Variants in COL21A1 observed in about 807,000 individuals in gnomAD.
COL21A1 encodes the protein collagen alpha-1(XXI) chain.
In COL21A1, 149 loss-of-function variants were observed where a neutral mutation model predicts 137.9. That is an observed-to-expected ratio of 1.08 (90% CI 0.95 to 1.24). The LOEUF (loss-of-function observed/expected upper bound fraction) is 1.24, where lower values mean the gene tolerates loss of function less well. Ranked by LOEUF, COL21A1 falls within the 50% of genes most tolerant of loss-of-function variation. The pLI is 0.00. For missense variants in COL21A1, 1,167 were observed against 1,158.4 expected (o/e 1.01, Z -0.11); for synonymous variants, 456 against 391.5 (o/e 1.16, Z -1.95).
At chr6:56,320,621 A>G (rs530231647) in intron 1 of COL21A1, among the ~76,000 whole-genome samples, 90 of 151,774 alleles carry the variant, frequency 5.9e-4, no homozygotes, top group African/African-American at 2.2e-3. Flanking sequence ...CTAATTCTCC[A>G]ACTCACCAAT....
At chr6:56,265,013 C>A (rs1350010843) in intron 1 of COL21A1, among the ~76,000 whole-genome samples, 1 of 152,206 alleles carries the variant, frequency 6.6e-6, no homozygotes, top group East Asian at 1.9e-4. Flanking sequence ...GAGGTTCCTA[C>A]AAGGAGATAC....
At chr6:56,217,942 G>T (rs191794455) in intron 1 of COL21A1, among the ~76,000 whole-genome samples, 3 of 152,190 alleles carry the variant, frequency 2.0e-5, no homozygotes, top group African/African-American at 7.2e-5. Flanking sequence ...TGTAAAAGGG[G>T]ATGGCAAGCC....
intron 10 of COL21A1, among the ~76,000 whole-genome samples, chr6:56,152,341 C>T (rs564750080): frequency 6.5e-4 from 99 of 152,282 alleles, no homozygotes; most frequent in South Asian, 1.2e-3. Flanking sequence ...AGGCCAATCT[C>T]CCATCTCAAG....
chr6:56,362,400 AT>A (rs908465393), intron 1 of COL21A1, among the ~76,000 whole-genome samples: 1 of 152,144 alleles, frequency 6.6e-6, no homozygotes, highest in African/African-American at 2.4e-5. Context: ...AAAATAAGTA[AT>A]TTTGCCAATT....
intron 1 of COL21A1, among the ~76,000 whole-genome samples, chr6:56,314,170 A>T (rs1391447494): frequency 6.6e-6 from 1 of 152,094 alleles, no homozygotes; most frequent in Non-Finnish European, 1.5e-5. Context: ...ATTTTAGTAG[A>T]GGCAGGGTTT....
intron 17 of COL21A1, among the ~76,000 whole-genome samples, chr6:56,093,464 G>A (rs541640353): frequency 1.3e-4 from 20 of 152,072 alleles, no homozygotes; most frequent in South Asian, 4.2e-4. Context: ...TCTATTTCCC[G>A]ATTACGATGT....
chr6:56,345,532 T>C (rs894574310), intron 1 of COL21A1, among the ~76,000 whole-genome samples: 15 of 152,194 alleles, frequency 9.9e-5, no homozygotes, highest in African/African-American at 3.1e-4. Flanking sequence ...TCAGACGTTT[T>C]TGATGTTGAA....
rs188292623 is a variant in COL21A1 at position 56,266,943 on chromosome 6, T to A, written c.-38-84287A>T. On this transcript the variant is annotated intron_variant, in intron 1 of 28. Coordinates refer to the COL21A1 transcript ENST00000370819. ...CTATATATTATTCACAGCAAACAGCTCGGGCAGAATGTACATATATATTTT... is the reference window on the plus strand; with the variant it reads ...CTATATATTATTCACAGCAAACAGCACGGGCAGAATGTACATATATATTTT... Among the ~76,000 whole-genome samples the A allele has an allele frequency of 4.5e-3, 692 of 152,310 alleles. 2 individuals are homozygous for A. Among genetic ancestry groups the A allele is most frequent in the Admixed American group, 8.9e-3 (136 of 15,300 alleles).
At chr6:56,339,542 G>A (rs1765419950) in intron 1 of COL21A1, among the ~76,000 whole-genome samples, 1 of 139,820 alleles carries the variant, frequency 7.2e-6, no homozygotes, top group African/African-American at 2.6e-5. Context: ...GTTGTTGATA[G>A]TCAATATTAC....
rs1414111351 is a variant in COL21A1 at position 56,320,911 on chromosome 6, T to C, written c.-39+73060A>G. Among the ~76,000 whole-genome samples the C allele has an allele frequency of 3.9e-5, 6 of 152,286 alleles. 1 individual carries two copies. In the East Asian group the frequency reaches 1.2e-3, roughly 29 times the overall value. On this transcript the variant is annotated intron_variant, in intron 1 of 28. Coordinates refer to the COL21A1 transcript ENST00000370819. The stretch of plus-strand genomic sequence containing the variant: ...TGTACTCATTAAAATATAAACTCCA[T>C]AAGAGTGACTTTTGTCTGCTTTACT...
chr6:56,168,014 A>T, intron 6 of COL21A1, 110 bp downstream of exon 6: 1 of 750,316 alleles, frequency 1.3e-6, no homozygotes, highest in Non-Finnish European at 2.0e-6. Context: ...TGAACAACTT[A>T]AGGGAATTCA....
At chr6:56,156,795 T>G (rs1733829720) in intron 10 of COL21A1, 92 bp downstream of exon 10, 1 of 1,039,512 alleles carries the variant, frequency 9.6e-7, no homozygotes, top group Admixed American at 2.0e-5. Context: ...TGAATAAAGC[T>G]TTCCTTGTCT....
intron 10 of COL21A1, among the ~76,000 whole-genome samples, chr6:56,152,673 A>G (rs190014855): frequency 6.6e-6 from 1 of 151,124 alleles, no homozygotes; most frequent in Admixed American, 6.6e-5. Context: ...ATGCATGGGA[A>G]GATTTTTTTT....
chr6:56,353,941 T>C (rs550659180), intron 1 of COL21A1, among the ~76,000 whole-genome samples: 5 of 152,306 alleles, frequency 3.3e-5, no homozygotes, highest in African/African-American at 1.2e-4. Flanking sequence ...CCCATAGATA[T>C]GTATAATTAT....
intron 17 of COL21A1, among the ~76,000 whole-genome samples, chr6:56,096,018 T>C (rs1031037404): frequency 5.9e-5 from 9 of 152,062 alleles, no homozygotes; most frequent in African/African-American, 2.2e-4. Context: ...GGCTGATTTT[T>C]TTATTTTTAG....
At chr6:56,133,527 A>T (rs1385518708) in intron 12 of COL21A1, among the ~76,000 whole-genome samples, 1 of 152,166 alleles carries the variant, frequency 6.6e-6, no homozygotes, top group Non-Finnish European at 1.5e-5. Context: ...TTCTGCGGAG[A>T]AATTTAAGCC....
intron 1 of COL21A1, among the ~76,000 whole-genome samples, chr6:56,286,694 T>A (rs114983865): frequency 0.31 from 37,713 of 120,060 alleles, 5,234 homozygotes; most frequent in Non-Finnish European, 0.37. Context: ...TAACTTAATA[T>A]CTGTTTTTTC....
Position 56,057,175 on chromosome 6 carries a change from C to T in COL21A1, c.*482G>A, listed in dbSNP as rs780654196. On this transcript the variant is annotated 3_prime_UTR_variant, in exon 30 of 30. Transcript: ENST00000244728. ...GAGACACTGTAGTAAATGAGTAGTT[C>T]ACCAATACTGTCTATCCCAGGTGAA... The T allele has an allele frequency of 2.0e-4, 39 of 190,674 alleles. No individual in the cohort carries two copies. Among genetic ancestry groups the T allele is most frequent in the Non-Finnish European group, 3.4e-4 (32 of 95,032 alleles). 11.8% of individuals were successfully genotyped at this position (190,674 alleles called of 1,614,324 possible). A position where few individuals can be genotyped will look rare whatever the true frequency, so the allele number is the denominator to read the frequency against.
chr6:56,059,587 A>G (rs889086396), intron 28 of COL21A1, among the ~76,000 whole-genome samples: 9 of 152,182 alleles, frequency 5.9e-5, no homozygotes, highest in African/African-American at 1.4e-4. Context: ...AACATTTCAC[A>G]TAAACATTCA....
Sources: allele counts gnomAD v4.1 joint callset (sites outside exome capture counted in the v4.1 genomes callset), GRCh38; gene constraint gnomAD v4.1.1; transcripts MANE v1.5; gene names NCBI Gene and HGNC (gene_info 2026-07-23, HGNC 2026-07-21).